TBC1D7: variants seen among roughly 807,000 people sequenced by gnomAD.
The protein encoded by TBC1D7 is TBC domain family 7.
In TBC1D7, 33 loss-of-function variants were observed where a neutral mutation model predicts 35.3. The observed-to-expected ratio is 0.93, with a 90% CI of 0.71 to 1.25. TBC1D7 has a LOEUF of 1.25. Ranked by LOEUF, TBC1D7 falls within the 50% of genes most tolerant of loss-of-function variation. TBC1D7 has a pLI of 0.00. For missense variants in TBC1D7, 362 were observed against 365.3 expected, an observed-to-expected ratio of 0.99 and a Z score of 0.07; for synonymous variants, 135 against 129.5, an observed-to-expected ratio of 1.04 and a Z score of -0.29.
rs869087217 is a variant in TBC1D7 at position 13,304,976 on chromosome 6, GA to G, written c.*124del. The stretch of plus-strand genomic sequence containing the variant: ...TTTCAATTAAATAATTTTATTGGGG[GA>G]AAAAAACCACTTTGAGCACCAAAGC... On this transcript the variant is annotated 3_prime_UTR_variant, in exon 8 of 8. Coordinates refer to ENST00000379300, the MANE Select transcript of TBC1D7 (RefSeq NM_016495.6). The G allele has an allele frequency of 2.1e-5, 16 of 751,068 alleles. No individual in the cohort carries two copies. Among genetic ancestry groups the G allele is most frequent in the South Asian group, 6.1e-5 (3 of 49,114 alleles). The allele number at this position is 751,068 out of a possible 1,614,324, so 46.5% of individuals were successfully genotyped here. A position where few individuals can be genotyped will look rare whatever the true frequency, so the allele number is the denominator to read the frequency against.
At chr6:13,317,621 T>C (rs1388103285) in intron 4 of TBC1D7, among the ~76,000 whole-genome samples, 2 of 152,230 alleles carry the variant, frequency 1.3e-5, no homozygotes, top group Non-Finnish European at 2.9e-5. Context: ...AAACATTTTA[T>C]TAATGTGTCA....
At chr6:13,313,354 G>A (rs1783367785) in intron 5 of TBC1D7, among the ~76,000 whole-genome samples, 1 of 152,216 alleles carries the variant, frequency 6.6e-6, no homozygotes, top group Non-Finnish European at 1.5e-5. Context: ...GGATAAAAAT[G>A]TAAGACATTG....
intron 1 of TBC1D7, chr6:13,327,863 A>G (rs1469862853): frequency 6.6e-6 from 1 of 152,214 alleles, no homozygotes; most frequent in Non-Finnish European, 1.5e-5. Context: ...TGCACAAAAG[A>G]GTAAATCTTT....
At position 13,326,875 on chromosome 6, in the gene TBC1D7, G is replaced by A. The variant is rs2127545743; in HGVS notation, c.24C>T (p.Asn8=). 5.6e-6 allele frequency: 9 copies of A among 1,610,118 alleles called. No homozygotes were observed. The South Asian group carries it at 7.7e-5, about 14-fold the overall frequency. Residue 8 remains asparagine, a synonymous_variant, in exon 2 of 8, where the codon AAC becomes AAT. Transcript: ENST00000379300. MTEDSQR[N]FRSVYYEKVG... ...CTTTCTCATAATATACTGAACGAAA[G>A]TTTCTCTGAGAGTCCTCAGTCATAT... is the stretch of plus-strand genomic sequence containing the variant.
At chr6:13,325,318 G>A in intron 2 of TBC1D7, 144 bp from the exon 3 acceptor site, 1 of 587,178 alleles carries the variant, frequency 1.7e-6, no homozygotes, top group Non-Finnish European at 2.9e-6. Context: ...TTTAGGAGAG[G>A]CAATACTAGT....
At chr6:13,320,514 A>G (rs181055408) in intron 4 of TBC1D7, 126 of 518,408 alleles carry the variant, frequency 2.4e-4, no homozygotes, top group Middle Eastern at 5.0e-4. Context: ...AAACAGATGC[A>G]CACAAAGCAA....
intron 4 of TBC1D7, chr6:13,318,305 TG>T: frequency 6.6e-6 from 1 of 152,166 alleles, no homozygotes; most frequent in African/African-American, 2.4e-5. Flanking sequence ...CTGGGAGACG[TG>T]GGATGGCAGA....
chr6:13,314,871 A>G (rs1463325152), intron 5 of TBC1D7, among the ~76,000 whole-genome samples: 1 of 152,198 alleles, frequency 6.6e-6, no homozygotes, highest in Non-Finnish European at 1.5e-5. Flanking sequence ...ATTTTTATAA[A>G]TGAGATAAAT....
At chr6:13,310,215 C>A (rs1473428358) in intron 5 of TBC1D7, among the ~76,000 whole-genome samples, 2 of 152,210 alleles carry the variant, frequency 1.3e-5, no homozygotes. Flanking sequence ...GCTGCATGCA[C>A]AAGTCTATTT....
chr6:13,312,216 C>G (rs1783265990), intron 5 of TBC1D7, among the ~76,000 whole-genome samples: 1 of 152,116 alleles, frequency 6.6e-6, no homozygotes, highest in Non-Finnish European at 1.5e-5. Context: ...GAAGTACATT[C>G]TCAGTAATAC....
intron 3 of TBC1D7, among the ~76,000 whole-genome samples, chr6:13,322,294 T>C (rs911329684): frequency 6.6e-6 from 1 of 152,100 alleles, no homozygotes. Flanking sequence ...AAAAACATTT[T>C]ATTTACTCAA....
chr6:13,327,208 G>C (rs1313456303), intron 1 of TBC1D7, among the ~76,000 whole-genome samples: 1 of 152,066 alleles, frequency 6.6e-6, no homozygotes, highest in African/African-American at 2.4e-5. Context: ...TAGCACAATA[G>C]AACATTCTGT....
At chr6:13,320,266 T>C (rs184735198) in intron 4 of TBC1D7, 3 of 157,018 alleles carry the variant, frequency 1.9e-5, no homozygotes, top group Admixed American at 1.9e-4. Flanking sequence ...GTTTGATTAT[T>C]TGTGAAGGCA....
intron 1 of TBC1D7, among the ~76,000 whole-genome samples, chr6:13,327,395 T>G (rs903759357): frequency 5.3e-5 from 8 of 152,248 alleles, no homozygotes; most frequent in African/African-American, 1.9e-4. Flanking sequence ...TATCTTTAGA[T>G]AGTAGGATTC....
Position 13,305,140 on chromosome 6 carries a change from C to T in TBC1D7, c.843G>A (p.Leu281=), listed in dbSNP as rs778313144. The change falls in exon 8 of 8, where the codon TTG becomes TTA. Residue 281 remains leucine (L), a synonymous_variant. Coordinates refer to ENST00000379300, the MANE Select transcript of TBC1D7 (RefSeq NM_016495.6). ...SDAIVSKAID[L]WHKHCGTPVH... is the part of the protein sequence containing the mutation. ...CCGGGGTCCCACAGTGTTTGTGCCACAAGTCAATGGCCTTGCTCACGATCG... is the reference window on the plus strand; with the variant it reads ...CCGGGGTCCCACAGTGTTTGTGCCATAAGTCAATGGCCTTGCTCACGATCG... The T allele has an allele frequency of 6.2e-7, 1 of 1,614,028 alleles. No homozygotes were observed. The highest frequency in any genetic ancestry group is 1.1e-5 in the South Asian group (1 of 91,074).
chr6:13,325,292 C>G (rs1784330986), intron 2 of TBC1D7, 118 bp from the exon 3 acceptor site: 1 of 683,038 alleles, frequency 1.5e-6, no homozygotes, highest in Non-Finnish European at 2.5e-6. Context: ...GGGAAGTCTA[C>G]CATATGGTCA....
At chr6:13,311,934 GATATAA>G (rs70989850) in intron 5 of TBC1D7, among the ~76,000 whole-genome samples, 31 of 149,352 alleles carry the variant, frequency 2.1e-4, no homozygotes, top group Non-Finnish European at 4.0e-4. Context: ...AAGAGATATA[GATATAA>G]ATATAAATAT....
rs149256748 is a variant in TBC1D7, at chr6:13,325,116, T to C, written c.171A>G (p.Ala57=). 255 of 1,613,512 alleles carry C rather than the reference T, an allele frequency of 1.6e-4. 1 individual carries two copies. In the African/African-American group the frequency reaches 3.0e-3, roughly 19 times the overall value. ...QRFPLPSMYR[A]LVWKVLLGIL... Reference sequence around the variant, plus strand: ...TACCTAGAAGCACCTTCCATACCAATGCACGGTACATGGACGGGAGAGGGA... The same window carrying C: ...TACCTAGAAGCACCTTCCATACCAACGCACGGTACATGGACGGGAGAGGGA... The change falls in exon 3 of 8, where the codon GCA becomes GCG. Residue 57 remains alanine, a synonymous_variant. Transcript: ENST00000379300.
At chr6:13,311,202 A>T (rs768547387) in intron 5 of TBC1D7, among the ~76,000 whole-genome samples, 4 of 152,244 alleles carry the variant, frequency 2.6e-5, no homozygotes, top group Non-Finnish European at 5.9e-5. Flanking sequence ...TAAAACAAAG[A>T]TCACTTACTT....
Sources: gnomAD v4.1 joint callset for allele counts (sites outside exome capture counted in the v4.1 genomes callset) on GRCh38, gnomAD v4.1.1 for gene constraint, MANE v1.5 for transcripts, NCBI Gene and HGNC (gene_info 2026-07-23, HGNC 2026-07-21) for gene names.